The following ADCY2 variants were observed in gnomAD, a reference collection of about 807,000 sequenced individuals.
ADCY2 encodes the protein adenylate cyclase type 2.
Under a neutral mutation model 125.2 loss-of-function variants are expected in ADCY2, and 31 were observed. The observed-to-expected ratio is 0.25, with a 90% CI of 0.19 to 0.33. ADCY2 has a LOEUF of 0.33. Ranked by LOEUF, ADCY2 falls within the 10% of genes least tolerant of loss-of-function variation. The pLI, the probability that ADCY2 is intolerant of heterozygous loss-of-function variation, is 1.00. For missense variants in ADCY2, 904 were observed against 1,418.2 expected (o/e 0.64, Z 5.82); for synonymous variants, 512 against 548.4 (o/e 0.93, Z 0.93).
chr5:7,739,086 C>T (rs1318014045), intron 14 of ADCY2, among the ~76,000 whole-genome samples: 1 of 151,726 alleles, frequency 6.6e-6, no homozygotes, highest in Non-Finnish European at 1.5e-5. Flanking sequence ...AAACACTAAA[C>T]TGAATTGAAA....
At chr5:7,647,674 C>T (rs1201446753) in intron 4 of ADCY2, among the ~76,000 whole-genome samples, 1 of 152,178 alleles carries the variant, frequency 6.6e-6, no homozygotes, top group Non-Finnish European at 1.5e-5. Flanking sequence ...TCAAGAAGTA[C>T]TGAGAATGAA....
chr5:7,707,767 G>A lies in ADCY2; in HGVS notation c.1330G>A (p.Gly444Arg). ...GAATGGCGCTTATAAAGTGGAGGAG[G>A]GAGATGGTGACATTAGGGACCCATA... is the stretch of plus-strand genomic sequence containing the variant. ...HLNGAYKVEE[G>R]DGDIRDPYLK... Residue 444 changes from glycine (G) to arginine (R), a missense_variant, in exon 9 of 25, where the codon GGA becomes AGA. Transcript: ENST00000338316. The A allele has an allele frequency of 6.2e-7, 1 of 1,614,052 alleles. No homozygotes were observed. The highest frequency in any genetic ancestry group is 2.2e-5 in the East Asian group (1 of 44,870).
At chr5:7,779,378 A>G (rs977547028) in intron 18 of ADCY2, among the ~76,000 whole-genome samples, 4 of 152,216 alleles carry the variant, frequency 2.6e-5, no homozygotes, top group African/African-American at 9.6e-5. Flanking sequence ...CATAGACTCC[A>G]TAGAATGTGC....
At chr5:7,482,032 C>T (rs1255064832) in intron 2 of ADCY2, among the ~76,000 whole-genome samples, 5 of 152,218 alleles carry the variant, frequency 3.3e-5, no homozygotes, top group Non-Finnish European at 7.4e-5. Flanking sequence ...TCATGATTTA[C>T]GGTGAATTAT....
chr5:7,646,101 A>G (rs1738885289), intron 4 of ADCY2, among the ~76,000 whole-genome samples: 1 of 152,174 alleles, frequency 6.6e-6, no homozygotes, highest in Non-Finnish European at 1.5e-5. Context: ...ATTCAAACAA[A>G]AGAGAAAAAA....
intron 4 of ADCY2, among the ~76,000 whole-genome samples, chr5:7,627,954 A>C (rs570546762): frequency 6.6e-6 from 1 of 152,326 alleles, no homozygotes; most frequent in African/African-American, 2.4e-5. Context: ...GTATTCAGGA[A>C]CCGATGTTTT....
chr5:7,433,111 G>C (rs566282350), intron 2 of ADCY2, among the ~76,000 whole-genome samples: 5 of 151,998 alleles, frequency 3.3e-5, no homozygotes, highest in Non-Finnish European at 7.4e-5. Context: ...TTGGTGACTC[G>C]CCAAAAAACG....
chr5:7,520,019 T>C (rs1224572363), intron 2 of ADCY2, among the ~76,000 whole-genome samples: 1 of 152,258 alleles, frequency 6.6e-6, no homozygotes, highest in East Asian at 1.9e-4. Flanking sequence ...CAATATTCTA[T>C]TGTGTGGATA....
At chr5:7,444,688 G>A (rs1741165052) in intron 2 of ADCY2, among the ~76,000 whole-genome samples, 1 of 152,160 alleles carries the variant, frequency 6.6e-6, no homozygotes, top group Non-Finnish European at 1.5e-5. Flanking sequence ...GGATGAGCAT[G>A]ATATTGCTGG....
intron 3 of ADCY2, among the ~76,000 whole-genome samples, chr5:7,525,688 T>C (rs1190580781): frequency 6.6e-6 from 1 of 151,796 alleles, no homozygotes; most frequent in East Asian, 1.9e-4. Flanking sequence ...TGTTTGTATA[T>C]ACTAATAGTC....
At chr5:7,568,210 C>T (rs920483537) in intron 3 of ADCY2, among the ~76,000 whole-genome samples, 58 of 152,118 alleles carry the variant, frequency 3.8e-4, no homozygotes, top group Admixed American at 9.2e-4. Flanking sequence ...ATTTCATAGC[C>T]AGTTCATGTC....
intron 4 of ADCY2, among the ~76,000 whole-genome samples, chr5:7,689,631 T>G (rs1188101802): frequency 6.6e-6 from 1 of 151,610 alleles, no homozygotes; most frequent in African/African-American, 2.4e-5. Flanking sequence ...GCACTAGGAG[T>G]AGACAAAGAG....
At chr5:7,767,666 T>C (rs1743427494) in intron 17 of ADCY2, among the ~76,000 whole-genome samples, 1 of 152,178 alleles carries the variant, frequency 6.6e-6, no homozygotes, top group South Asian at 2.1e-4. Flanking sequence ...TTCCTTGATA[T>C]TTTGCTCTGG....
intron 18 of ADCY2, among the ~76,000 whole-genome samples, chr5:7,776,782 G>A (rs1161172609): frequency 6.6e-6 from 1 of 152,110 alleles, no homozygotes; most frequent in Non-Finnish European, 1.5e-5. Flanking sequence ...TGGCTCTTAT[G>A]GTTTTCATCT....
At chr5:7,494,283 G>T (rs548736633) in intron 2 of ADCY2, among the ~76,000 whole-genome samples, 11 of 152,150 alleles carry the variant, frequency 7.2e-5, no homozygotes, top group African/African-American at 2.6e-4. Flanking sequence ...TAAAACTCCA[G>T]TGTGGTCAAA....
At chr5:7,537,865 T>C (rs541342430) in intron 3 of ADCY2, among the ~76,000 whole-genome samples, 109 of 152,338 alleles carry the variant, frequency 7.2e-4, no homozygotes, top group Non-Finnish European at 1.2e-3. Flanking sequence ...GCCCTGATTG[T>C]GCTTGGCCAT....
At chr5:7,678,540 T>C (rs1370764077) in intron 4 of ADCY2, among the ~76,000 whole-genome samples, 1 of 152,216 alleles carries the variant, frequency 6.6e-6, no homozygotes, top group Non-Finnish European at 1.5e-5. Flanking sequence ...ACACACATAA[T>C]ATACATAACA....
intron 2 of ADCY2, among the ~76,000 whole-genome samples, chr5:7,431,492 A>T (rs2126376359): frequency 6.6e-6 from 1 of 151,196 alleles, no homozygotes; most frequent in Admixed American, 6.6e-5. Context: ...TTAGAAAATG[A>T]TTTCTTGAAT....
chr5:7,417,716 C>T (rs1198094747), intron 2 of ADCY2, among the ~76,000 whole-genome samples: 1 of 152,202 alleles, frequency 6.6e-6, no homozygotes, highest in Non-Finnish European at 1.5e-5. Context: ...CATCACTCAC[C>T]TTGCTTGAGT....
Sources: allele counts gnomAD v4.1 joint callset (sites outside exome capture counted in the v4.1 genomes callset), GRCh38; gene constraint gnomAD v4.1.1; transcripts MANE v1.5; gene names NCBI Gene and HGNC (gene_info 2026-07-23, HGNC 2026-07-21).